PTBP1: variants seen among roughly 807,000 people sequenced by gnomAD.
The protein encoded by PTBP1 is polypyrimidine tract-binding protein 1.
A neutral mutation model predicts 59.8 loss-of-function variants in PTBP1; 8 were observed. The ratio of observed to expected loss-of-function variants is 0.13; its 90% CI spans 0.08 to 0.24. PTBP1 has a LOEUF of 0.24. Ranked by LOEUF, PTBP1 falls within the 10% of genes least tolerant of loss-of-function variation. The pLI, the probability that PTBP1 is intolerant of heterozygous loss-of-function variation, is 1.00. For synonymous variants in PTBP1, 490 were observed against 320.7 expected (o/e 1.53, Z -5.64); for missense variants, 686 against 767.0 (o/e 0.89, Z 1.25).
chr19:805,843 G>A (rs1226990745), intron 9 of PTBP1: 5 of 480,786 alleles, frequency 1.0e-5, no homozygotes, highest in South Asian at 4.5e-5. Context: ...ACCTCCGGGC[G>A]AGCGCGAGGA....
intron 1 of PTBP1, among the ~76,000 whole-genome samples, chr19:797,767 C>T (rs1361102345): frequency 2.0e-5 from 3 of 148,638 alleles, no homozygotes; most frequent in African/African-American, 4.9e-5. Context: ...CCTCCCGCGC[C>T]CCTCCCCCTC....
At chr19:810,329 G>A (rs557433171) in intron 13 of PTBP1, among the ~76,000 whole-genome samples, 1 of 152,244 alleles carries the variant, frequency 6.6e-6, no homozygotes, top group African/African-American at 2.4e-5. Flanking sequence ...GGAGGAGCGT[G>A]GTACTCTGTT....
At chr19:802,920 G>A (rs953012245) in intron 2 of PTBP1, among the ~76,000 whole-genome samples, 7 of 152,324 alleles carry the variant, frequency 4.6e-5, no homozygotes, top group East Asian at 1.9e-4. Context: ...GAGCTCCCCC[G>A]GCCCTAGTCA....
intron 1 of PTBP1, among the ~76,000 whole-genome samples, chr19:799,043 C>G (rs1324795085): frequency 6.6e-6 from 1 of 152,254 alleles, no homozygotes; most frequent in Non-Finnish European, 1.5e-5. Flanking sequence ...CGAGGCGTTT[C>G]CAACTTACTG....
At chr19:809,611 C>T (rs545578267) in intron 13 of PTBP1, among the ~76,000 whole-genome samples, 7 of 152,352 alleles carry the variant, frequency 4.6e-5, no homozygotes, top group East Asian at 1.9e-4. Flanking sequence ...GGAGCCACCA[C>T]GCCTGGCCTA....
At chr19:801,018 TC>T (rs1031007184) in intron 2 of PTBP1, among the ~76,000 whole-genome samples, 29 of 98,242 alleles carry the variant, frequency 3.0e-4, no homozygotes, top group South Asian at 1.8e-3. Flanking sequence ...ATACCCCCCC[TC>T]CCCCCCACCA....
Position 799,399 on chromosome 19 carries a change from C to T in PTBP1, c.9-14C>T, listed in dbSNP as rs745871393. 7 of 1,613,792 alleles carry T rather than the reference C, an allele frequency of 4.3e-6. No homozygotes were observed. The highest frequency in any genetic ancestry group is 1.7e-4 in the Middle Eastern group (1 of 6,058). On this transcript the variant is annotated splice_polypyrimidine_tract_variant and intron_variant, in intron 1 of 14. Coordinates refer to ENST00000356948, the MANE Select transcript of PTBP1 (RefSeq NM_002819.5). ...CCACCAGGCTAACGTTGTCTCCTTT[C>T]TTTCTCTCTACAGCATTGTCCCAGA...
rs1320378077 is a variant in PTBP1 at position 812,153 on chromosome 19, G to T, written c.*1327G>T. 2 of 152,408 alleles carry T rather than the reference G, an allele frequency of 1.3e-5. No individual in the cohort carries two copies. The highest frequency in any genetic ancestry group is 2.9e-5 in the Non-Finnish European group (2 of 68,040). The allele number at this position is 152,408 out of a possible 1,614,324, so 9.4% of individuals were successfully genotyped here. A position where few individuals can be genotyped will look rare whatever the true frequency, so the allele number is the denominator to read the frequency against. On this transcript the variant is annotated 3_prime_UTR_variant, in exon 15 of 15. Transcript: ENST00000356948. ...ACCGCGGAGCCACAGGGGACCCCAC[G>T]CACATTCCGTTGCCTTACCCGATGG... is the stretch of plus-strand genomic sequence containing the variant.
Position 810,911 on chromosome 19 carries a change from C to G in PTBP1, c.*85C>G. 1.6e-6 allele frequency: 2 copies of G among 1,265,576 alleles called. No homozygotes were observed. Among genetic ancestry groups the G allele is most frequent in the Non-Finnish European group, 2.1e-6 (2 of 945,484 alleles). 78.4% of individuals were successfully genotyped at this position (1,265,576 alleles called of 1,614,324 possible). Reference sequence around the variant, plus strand: ...CCACTTTAAAAACAGCTGAAGTGACCTTAGCAGACCAGAGATTTTATTTTT... The same window carrying G: ...CCACTTTAAAAACAGCTGAAGTGACGTTAGCAGACCAGAGATTTTATTTTT... On this transcript the variant is annotated 3_prime_UTR_variant, in exon 15 of 15. Coordinates refer to ENST00000356948, the MANE Select transcript of PTBP1 (RefSeq NM_002819.5).
intron 3 of PTBP1, among the ~76,000 whole-genome samples, 166 bp downstream of exon 3, chr19:803,802 G>A (rs926940336): frequency 6.6e-6 from 1 of 152,174 alleles, no homozygotes; most frequent in Non-Finnish European, 1.5e-5. Context: ...CCAGGGAGGC[G>A]CTGGATGGAT....
At position 804,452 on chromosome 19, in the gene PTBP1, C is replaced by T. The variant is rs543078667; in HGVS notation, c.435+14C>T. ...CCCAACCAGGCGGTGCGTGGCCCCG[C>T]GGCGGACCCCAGCAGCCCGGGGACC... On this transcript the variant is annotated intron_variant, in intron 5 of 14. Coordinates refer to ENST00000356948, the MANE Select transcript of PTBP1 (RefSeq NM_002819.5). The T allele has an allele frequency of 1.5e-5, 24 of 1,607,560 alleles. No homozygotes were observed. Among genetic ancestry groups the T allele is most frequent in the Admixed American group, 6.7e-5 (4 of 59,854 alleles).
At position 812,125 on chromosome 19, in the gene PTBP1, G is replaced by T. The variant is rs1476718406; in HGVS notation, c.*1299G>T. On this transcript the variant is annotated 3_prime_UTR_variant, in exon 15 of 15. Coordinates refer to ENST00000356948, the MANE Select transcript of PTBP1 (RefSeq NM_002819.5). ...TAACAGCAATTCCAGGCTCAGTATTGTGACCGCGGAGCCACAGGGGACCCC... is the reference window on the plus strand; with the variant it reads ...TAACAGCAATTCCAGGCTCAGTATTTTGACCGCGGAGCCACAGGGGACCCC... 6.6e-6 allele frequency: 1 copy of T among 152,352 alleles called. No individual in the cohort carries two copies. Among genetic ancestry groups the T allele is most frequent in the Non-Finnish European group, 1.5e-5 (1 of 68,030 alleles). The allele number at this position is 152,352 out of a possible 1,614,324, so 9.4% of individuals were successfully genotyped here.
chr19:808,079 G>GT lies in PTBP1; in HGVS notation c.1153+180dup, dbSNP rs1235948737. 6 of 669,388 alleles carry GT rather than the reference G, an allele frequency of 9.0e-6. No homozygotes were observed. The highest frequency in any genetic ancestry group is 5.0e-5 in the Admixed American group (2 of 39,874). The allele number at this position is 669,388 out of a possible 1,614,324, so 41.5% of individuals were successfully genotyped here. A position where few individuals can be genotyped will look rare whatever the true frequency, so the allele number is the denominator to read the frequency against. On this transcript the variant is annotated intron_variant, in intron 11 of 14. Coordinates refer to ENST00000356948, the MANE Select transcript of PTBP1 (RefSeq NM_002819.5). This position sits in a 1 kb window ranked among gnomAD's most constrained non-coding sequence, Gnocchi z 4.7. ...TTGGTCCCGTAGATACGTACGCATG[G>GT]TTTATCGCCCTGCATGCTTTTCAGA...
At chr19:797,894 G>A (rs1295922528) in intron 1 of PTBP1, among the ~76,000 whole-genome samples, 3 of 148,560 alleles carry the variant, frequency 2.0e-5, no homozygotes, top group African/African-American at 7.3e-5. Context: ...CGCTCCCCTC[G>A]TGCGCCTGCG....
chr19:801,238 C>T (rs1259808505), intron 2 of PTBP1, among the ~76,000 whole-genome samples: 1 of 152,202 alleles, frequency 6.6e-6, no homozygotes, highest in Admixed American at 6.5e-5. Flanking sequence ...GGGTACCTGG[C>T]AGCTGCTGTG....
chr19:797,827 C>T (rs969756437), intron 1 of PTBP1, among the ~76,000 whole-genome samples: 1 of 148,676 alleles, frequency 6.7e-6, no homozygotes, highest in Non-Finnish European at 1.5e-5. Flanking sequence ...GGCGCGCGGC[C>T]CTTCCCGCTT....
At chr19:809,322 T>TTATG (rs1271075846) in intron 13 of PTBP1, among the ~76,000 whole-genome samples, 4 of 150,528 alleles carry the variant, frequency 2.7e-5, no homozygotes, top group Non-Finnish European at 5.9e-5. Flanking sequence ...ATTTATTTAT[T>TTATG]TATTTATTTT....
chr19:804,978 G>A, intron 7 of PTBP1, 35 bp from the exon 8 acceptor site: 5 of 1,612,410 alleles, frequency 3.1e-6, no homozygotes, highest in African/African-American at 1.3e-5. Context: ...CCCTGGCCCT[G>A]GCCCGGCGAC....
intron 2 of PTBP1, among the ~76,000 whole-genome samples, chr19:802,284 CT>C (rs2034368759): frequency 6.6e-6 from 1 of 152,210 alleles, no homozygotes; most frequent in Non-Finnish European, 1.5e-5. Context: ...TTCCAGGAAG[CT>C]CTTGAGCCAG....
Sources: allele counts gnomAD v4.1 joint callset (sites outside exome capture counted in the v4.1 genomes callset), GRCh38; gene constraint gnomAD v4.1.1; non-coding constraint Gnocchi (gnomAD v3.1); transcripts MANE v1.5; gene names NCBI Gene and HGNC (gene_info 2026-07-23, HGNC 2026-07-21).